Variants in MORC1 observed in about 807,000 individuals in gnomAD.
The protein encoded by MORC1 is MORC family CW-type zinc finger protein 1.
A neutral mutation model predicts 134.9 loss-of-function variants in MORC1; 59 were observed. That is an observed-to-expected ratio of 0.44 (90% confidence interval 0.35 to 0.54). The LOEUF (loss-of-function observed/expected upper bound fraction) is 0.54, where lower values mean the gene tolerates loss of function less well. Among genes scored for constraint, MORC1 ranks in the 20% least tolerant of loss-of-function variants. The probability of loss-of-function intolerance (pLI) is 0.00; values close to 1 mark genes in which losing one functional copy is unlikely to be tolerated. For synonymous variants in MORC1, 395 were observed against 391.7 expected (o/e 1.01, Z -0.10); for missense variants, 947 against 1,134.5 (o/e 0.83, Z 2.37).
Position 108,958,387 on chromosome 3 carries a change from A to ATATG in MORC1, c.*574_*577dup, listed in dbSNP as rs1946991218. The ATATG allele has an allele frequency of 6.6e-6, 1 of 151,992 alleles. No homozygotes were observed. Among genetic ancestry groups the ATATG allele is most frequent in the Non-Finnish European group, 1.5e-5 (1 of 67,940 alleles). 9.4% of individuals were successfully genotyped at this position (151,992 alleles called of 1,614,324 possible). On this transcript the variant is annotated 3_prime_UTR_variant, in exon 28 of 28. Transcript: ENST00000232603. ...AAACAACAATTTTTACATATGTGTA[A>ATATG]TATGTATACATATTATGCTTAGGAG...
intron 17 of MORC1, among the ~76,000 whole-genome samples, chr3:109,014,478 T>C (rs1300189573): frequency 6.6e-6 from 1 of 152,208 alleles, no homozygotes; most frequent in East Asian, 1.9e-4. Context: ...TCTCCACTAC[T>C]TGTGGGAGCT....
At chr3:109,103,190 T>C (rs1019562658) in intron 4 of MORC1, among the ~76,000 whole-genome samples, 1 of 152,182 alleles carries the variant, frequency 6.6e-6, no homozygotes, top group Non-Finnish European at 1.5e-5. Flanking sequence ...CACACCATGT[T>C]TAAAGAATTC....
intron 14 of MORC1, among the ~76,000 whole-genome samples, chr3:109,052,286 T>C (rs1482547800): frequency 1.3e-5 from 2 of 152,136 alleles, no homozygotes; most frequent in African/African-American, 2.4e-5. Flanking sequence ...AAAATACATG[T>C]GGAAAAAGAT....
At chr3:109,117,795 G>C (rs1951303587) in intron 1 of MORC1, among the ~76,000 whole-genome samples, 200 bp downstream of exon 1, 1 of 152,152 alleles carries the variant, frequency 6.6e-6, no homozygotes, top group South Asian at 2.1e-4. Flanking sequence ...TCACTGAAGA[G>C]CACCTAAAGG....
At chr3:108,996,048 G>C (rs370081278) in intron 21 of MORC1, among the ~76,000 whole-genome samples, 1 of 152,276 alleles carries the variant, frequency 6.6e-6, no homozygotes, top group East Asian at 1.9e-4. Context: ...GAGGAGCAAA[G>C]TCAAACAGCT....
intron 24 of MORC1, 90 bp from the exon 25 acceptor site, chr3:108,971,492 T>G: frequency 1.9e-5 from 20 of 1,077,604 alleles, no homozygotes; most frequent in Non-Finnish European, 2.7e-5. Context: ...TCCTGGGTAT[T>G]AAATATCCTG....
chr3:108,980,730 T>C (rs1947694228), intron 23 of MORC1, among the ~76,000 whole-genome samples: 1 of 152,172 alleles, frequency 6.6e-6, no homozygotes, highest in African/African-American at 2.4e-5. Context: ...TAAACTAAAG[T>C]TTATTTTAGC....
intron 24 of MORC1, among the ~76,000 whole-genome samples, chr3:108,972,688 C>A (rs3804718): frequency 6.6e-6 from 1 of 152,024 alleles, no homozygotes; most frequent in Non-Finnish European, 1.5e-5. Context: ...TGGGTCAACA[C>A]TACGGCCGTT....
chr3:109,104,165 C>T (rs1203364105), intron 3 of MORC1, among the ~76,000 whole-genome samples: 3 of 152,094 alleles, frequency 2.0e-5, no homozygotes, highest in Non-Finnish European at 4.4e-5. Context: ...ATTATGTATA[C>T]AGCAGGACAT....
At chr3:109,073,536 C>T (rs1000342902) in intron 8 of MORC1, among the ~76,000 whole-genome samples, 2 of 152,146 alleles carry the variant, frequency 1.3e-5, no homozygotes, top group Non-Finnish European at 2.9e-5. Flanking sequence ...CTGAGAAATA[C>T]AACTCCTCCA....
chr3:108,995,737 G>T (rs1248508200), intron 21 of MORC1, among the ~76,000 whole-genome samples: 1 of 152,166 alleles, frequency 6.6e-6, no homozygotes. Flanking sequence ...GGTGAATATG[G>T]AGGGAAACGG....
rs5851642 is a variant in MORC1, at chr3:109,104,866, A to AACACACAC, written c.155-957_155-950dup. 1.9e-3 allele frequency among the ~76,000 whole-genome samples: 291 copies of AACACACAC among 149,288 alleles called. 1 individual carries two copies. The highest frequency in any genetic ancestry group is 7.3e-3 in the South Asian group (34 of 4,650). On this transcript the variant is annotated intron_variant, in intron 3 of 27. Transcript: ENST00000232603. Reference sequence around the variant, plus strand: ...TAAAGTGCACAATTTGACAAATTTTAACACACACACACACACACACACACA... The same window carrying AACACACAC: ...TAAAGTGCACAATTTGACAAATTTTAACACACACACACACACACACACACACACACACA...
rs529938506 is a variant in MORC1 at position 109,047,336 on chromosome 3, G to A, written c.1330+7392C>T. On this transcript the variant is annotated intron_variant, in intron 14 of 27. Transcript: ENST00000232603. ...AAGAATCAAATTTTATTGAATTCCAGAAAGAATAAGGGTCCTAAACTTTTT... is the reference window on the plus strand; with the variant it reads ...AAGAATCAAATTTTATTGAATTCCAAAAAGAATAAGGGTCCTAAACTTTTT... 3.3e-5 allele frequency among the ~76,000 whole-genome samples: 5 copies of A among 152,228 alleles called. No homozygotes were observed. The East Asian group carries it at 9.7e-4, about 29-fold the overall frequency.
intron 26 of MORC1, among the ~76,000 whole-genome samples, chr3:108,965,808 TGAAA>T (rs921499198): frequency 2.6e-5 from 4 of 152,206 alleles, no homozygotes; most frequent in Admixed American, 1.3e-4. Flanking sequence ...ATTTTGAAAT[TGAAA>T]GAAAGAAGCA....
chr3:109,011,529 T>G (rs993646001), intron 17 of MORC1, among the ~76,000 whole-genome samples: 3 of 151,820 alleles, frequency 2.0e-5, no homozygotes, highest in Non-Finnish European at 2.9e-5. Context: ...TTTTTGTTTT[T>G]TTTTTTTTTG....
At chr3:109,114,343 T>A (rs1399007139) in intron 2 of MORC1, 41 bp downstream of exon 2, 5 of 1,522,442 alleles carry the variant, frequency 3.3e-6, no homozygotes, top group Non-Finnish European at 3.6e-6. Flanking sequence ...AGTTATGTCA[T>A]GAAATTCCCT....
chr3:109,113,782 A>G (rs1270132727), intron 2 of MORC1, among the ~76,000 whole-genome samples: 1 of 152,196 alleles, frequency 6.6e-6, no homozygotes, highest in Non-Finnish European at 1.5e-5. Context: ...AGACAGTAAA[A>G]TACGACAGTG....
intron 23 of MORC1, among the ~76,000 whole-genome samples, chr3:108,981,484 T>C (rs1239889764): frequency 6.6e-6 from 1 of 152,190 alleles, no homozygotes; most frequent in East Asian, 1.9e-4. Context: ...TTCTTTATGC[T>C]GACACTTCAT....
intron 14 of MORC1, among the ~76,000 whole-genome samples, chr3:109,047,720 CA>C (rs1369759268): frequency 1.3e-5 from 2 of 152,146 alleles, no homozygotes; most frequent in Non-Finnish European, 2.9e-5. Flanking sequence ...ACTCTTTTCA[CA>C]TCAAGCTTTT....
Sources: gnomAD v4.1 joint callset for allele counts (sites outside exome capture counted in the v4.1 genomes callset) on GRCh38, gnomAD v4.1.1 for gene constraint, MANE v1.5 for transcripts, NCBI Gene and HGNC (gene_info 2026-07-23, HGNC 2026-07-21) for gene names.